UNC13B: variants seen among roughly 807,000 people sequenced by gnomAD.
The protein encoded by UNC13B is protein unc-13 homolog B.
A neutral mutation model predicts 211.0 loss-of-function variants in UNC13B; 144 were observed. The ratio of observed to expected loss-of-function variants is 0.68; its 90% CI spans 0.60 to 0.78. The LOEUF (loss-of-function observed/expected upper bound fraction) is 0.78. Ranked by LOEUF, UNC13B falls within the 30% of genes least tolerant of loss-of-function variation. The probability of loss-of-function intolerance (pLI) is 0.00; values close to 1 mark genes in which losing one functional copy is unlikely to be tolerated. For missense variants in UNC13B, 1,777 were observed against 2,002.0 expected (o/e 0.89, Z 2.14); for synonymous variants, 709 against 725.8 (o/e 0.98, Z 0.37).
chr9:35,254,154 C>G (rs546051256), intron 6 of UNC13B, among the ~76,000 whole-genome samples: 3 of 152,112 alleles, frequency 2.0e-5, no homozygotes, highest in Non-Finnish European at 4.4e-5. Flanking sequence ...CAGAATCAGA[C>G]AGTAAGCAAG....
intron 12 of UNC13B, among the ~76,000 whole-genome samples, chr9:35,369,401 G>A (rs1016222500): frequency 6.6e-6 from 1 of 152,206 alleles, no homozygotes; most frequent in Non-Finnish European, 1.5e-5. Flanking sequence ...GGCCCAAAGT[G>A]AAGAAGGAAT....
At position 35,310,721 on chromosome 9, in the gene UNC13B, C is replaced by T. The variant is rs1830143029; in HGVS notation, c.9263C>T (p.Thr3088Ile). Reference protein sequence around the residue: ...CEPKEMKEDATTHPPPDLVLQ... With the variant: ...CEPKEMKEDAITHPPPDLVLQ... ...CCCAAGGAGATGAAAGAAGATGCCA[C>T]AACCCACCCTCCCCCAGATCTGGTG... Residue 3088 changes from threonine to isoleucine, a missense_variant, in exon 10 of 40, where the codon ACA (threonine) becomes ATA (isoleucine). Physicochemically the swap from Thr to Ile is moderately conservative, Grantham distance 89 (BLOSUM62 -1). Transcript: ENST00000635942. 1.2e-6 allele frequency: 2 copies of T among 1,613,958 alleles called. No homozygotes were observed. The highest frequency in any genetic ancestry group is 1.7e-6 in the Non-Finnish European group (2 of 1,180,024).
At chr9:35,164,727 C>T (rs569087550) in intron 1 of UNC13B, among the ~76,000 whole-genome samples, 5 of 152,338 alleles carry the variant, frequency 3.3e-5, no homozygotes, top group Admixed American at 2.0e-4. Context: ...CTGAAATACT[C>T]GTTCCATATT....
At position 35,399,686 on chromosome 9, in the gene UNC13B, C is replaced by A. The variant is rs1836156037; in HGVS notation, c.12293C>A (p.Pro4098Gln). The A allele has an allele frequency of 6.2e-7, 1 of 1,613,988 alleles. No individual in the cohort carries two copies. Among genetic ancestry groups the A allele is most frequent in the African/African-American group, 1.3e-5 (1 of 74,862 alleles). Residue 4098 changes from proline to glutamine, a missense_variant, in exon 36 of 40, where the codon CCA becomes CAA. Coordinates refer to ENST00000635942, the MANE Select transcript of UNC13B (RefSeq NM_001371189.2). ...MVREETRNLTPKQCAVLDLAL... is the reference protein window; with the variant it reads ...MVREETRNLTQKQCAVLDLAL... The stretch of plus-strand genomic sequence containing the variant: ...CGAGAGGAAACACGGAATCTCACTC[C>A]AAAGCAGTGTGCAGTCCTTGACCTC...
intron 1 of UNC13B, among the ~76,000 whole-genome samples, chr9:35,224,783 AAAATACTAGC>A (rs1468716870): frequency 6.6e-6 from 1 of 152,198 alleles, no homozygotes; most frequent in Non-Finnish European, 1.5e-5. Context: ...AATCGTCAAC[AAAATACTAGC>A]AAACCAAATC....
chr9:35,401,329 C>T (rs998940067), intron 37 of UNC13B, among the ~76,000 whole-genome samples: 6 of 152,054 alleles, frequency 3.9e-5, no homozygotes, highest in African/African-American at 9.7e-5. Flanking sequence ...TGGAAGGGAC[C>T]GAAAGTACTG....
At chr9:35,173,584 C>T (rs902767888) in intron 1 of UNC13B, among the ~76,000 whole-genome samples, 4 of 151,934 alleles carry the variant, frequency 2.6e-5, no homozygotes, top group Non-Finnish European at 4.4e-5. Context: ...CCACCATGCC[C>T]GGCTAATTTT....
intron 5 of UNC13B, among the ~76,000 whole-genome samples, chr9:35,242,513 C>G (rs1825866173): frequency 6.6e-6 from 1 of 152,138 alleles, no homozygotes; most frequent in African/African-American, 2.4e-5. Flanking sequence ...ACTTTAGTTA[C>G]CTTAGAGAAG....
intron 26 of UNC13B, 66 bp downstream of exon 26, chr9:35,390,780 T>C (rs1835484211): frequency 1.4e-6 from 2 of 1,462,698 alleles, no homozygotes; most frequent in African/African-American, 2.8e-5. Context: ...CACTGTCCCT[T>C]TCCTCTTCTA....
At chr9:35,241,307 C>A (rs1166647647) in intron 5 of UNC13B, among the ~76,000 whole-genome samples, 1 of 152,044 alleles carries the variant, frequency 6.6e-6, no homozygotes, top group South Asian at 2.1e-4. Context: ...ATACATTTAA[C>A]CACTTCCTGT....
At chr9:35,331,991 T>C (rs1027258720) in intron 11 of UNC13B, among the ~76,000 whole-genome samples, 4 of 143,998 alleles carry the variant, frequency 2.8e-5, no homozygotes, top group African/African-American at 7.6e-5. Context: ...CCAACTAGCC[T>C]TTTTTTTTTT....
At chr9:35,375,314 A>G (rs1310947805) in intron 14 of UNC13B, 113 bp downstream of exon 14, 7 of 1,135,196 alleles carry the variant, frequency 6.2e-6, no homozygotes, top group African/African-American at 6.1e-5. Flanking sequence ...CTGGACACAC[A>G]TTGCTGATGA....
chr9:35,313,559 A>G (rs1830290056), intron 10 of UNC13B, among the ~76,000 whole-genome samples: 1 of 151,866 alleles, frequency 6.6e-6, no homozygotes, highest in South Asian at 2.1e-4. Context: ...CAGGAGATTA[A>G]GGCTGCAGTG....
At chr9:35,353,593 T>C in intron 11 of UNC13B, 3 of 1,232,164 alleles carry the variant, frequency 2.4e-6, no homozygotes, top group Non-Finnish European at 3.0e-6. Flanking sequence ...CAAGTGTTGC[T>C]CTGGCTCCAT....
rs529471881 is a variant in UNC13B at position 35,317,704 on chromosome 9, T to G, written c.9414+3715T>G. ...TGCCTGGCTAATTTTTTTTTTTTTTTTTTTTAATTTTTAGTAGAGATGGGG... is the reference window on the plus strand; with the variant it reads ...TGCCTGGCTAATTTTTTTTTTTTTTGTTTTTAATTTTTAGTAGAGATGGGG... On this transcript the variant is annotated intron_variant, in intron 11 of 39. Transcript: ENST00000635942. 4.7e-4 allele frequency among the ~76,000 whole-genome samples: 70 copies of G among 148,710 alleles called. No individual in the cohort carries two copies. In the East Asian group the frequency reaches 0.013, roughly 29 times the overall value.
chr9:35,356,031 G>C (rs1220323263), intron 11 of UNC13B, among the ~76,000 whole-genome samples: 1 of 152,184 alleles, frequency 6.6e-6, no homozygotes, highest in Admixed American at 6.5e-5. Flanking sequence ...CAGCAGTCTT[G>C]ATGAATAGAA....
chr9:35,177,157 G>A (rs891999066), intron 1 of UNC13B, among the ~76,000 whole-genome samples: 4 of 152,128 alleles, frequency 2.6e-5, no homozygotes, highest in South Asian at 4.2e-4. Context: ...CGTGGTGGCC[G>A]GTGCCTATAA....
chr9:35,262,577 A>G (rs767174251), intron 7 of UNC13B, among the ~76,000 whole-genome samples: 15 of 151,964 alleles, frequency 9.9e-5, no homozygotes, highest in Admixed American at 2.0e-4. Context: ...CTCAGCCTCC[A>G]AAAGTGCTGG....
chr9:35,210,396 A>T (rs1823902869), intron 1 of UNC13B, among the ~76,000 whole-genome samples: 2 of 152,240 alleles, frequency 1.3e-5, no homozygotes, highest in African/African-American at 4.8e-5. Flanking sequence ...ACTACAGTTG[A>T]CAGTGCAGAC....
Sources: allele counts gnomAD v4.1 joint callset (sites outside exome capture counted in the v4.1 genomes callset), GRCh38; gene constraint gnomAD v4.1.1; transcripts MANE v1.5; gene names NCBI Gene and HGNC (gene_info 2026-07-23, HGNC 2026-07-21).